ROS1: variants seen among roughly 807,000 people sequenced by gnomAD.
The protein encoded by ROS1 is proto-oncogene tyrosine-protein kinase ROS.
ROS1 carries 263 observed loss-of-function variants against 273.5 expected under a neutral mutation model. The observed-to-expected ratio is 0.96, with a 90% CI of 0.87 to 1.06. The LOEUF is 1.06. ROS1 is among the 50% of genes least tolerant of loss of function. The pLI, the probability that ROS1 is intolerant of heterozygous loss-of-function variation, is 0.00. For missense variants in ROS1, 2,833 were observed against 2,751.1 expected (o/e 1.03, Z -0.67); for synonymous variants, 1,008 against 954.1 (o/e 1.06, Z -1.04).
At chr6:117,364,501 A>G (rs749213319) in intron 21 of ROS1, among the ~76,000 whole-genome samples, 1 of 152,150 alleles carries the variant, frequency 6.6e-6, no homozygotes, top group African/African-American at 2.4e-5. Context: ...CCCACCTCAG[A>G]GCTCTGTGAG....
Position 117,418,461 on chromosome 6 carries a change from C to G in ROS1, c.168+1G>C, listed in dbSNP as rs1450017093. 1 of 1,592,336 alleles carries G rather than the reference C, an allele frequency of 6.3e-7. No individual in the cohort carries two copies. Among genetic ancestry groups the G allele is most frequent in the Admixed American group, 1.8e-5 (1 of 55,266 alleles). ...TCTTGACAACTGAAGAAATTACTTA[C>G]CGGTTCACTCAGATTATGTGGTGTG... On this transcript the variant is annotated splice_donor_variant, in intron 2 of 43. Transcript: ENST00000368507. LOFTEE classifies it high-confidence loss of function.
intron 36 of ROS1, among the ~76,000 whole-genome samples, chr6:117,320,370 A>G (rs1776208783): frequency 6.6e-6 from 1 of 152,160 alleles, no homozygotes; most frequent in Non-Finnish European, 1.5e-5. Flanking sequence ...ATTTGTATAA[A>G]AAGCTACTGC....
chr6:117,418,537 G>T, intron 1 of ROS1, 31 bp from the exon 2 acceptor site: 1 of 1,570,638 alleles, frequency 6.4e-7, no homozygotes, highest in Non-Finnish European at 8.7e-7. Flanking sequence ...GTAAACACCA[G>T]CCATCAGTAC....
intron 33 of ROS1, among the ~76,000 whole-genome samples, chr6:117,327,998 A>G (rs1582633286): frequency 1.3e-5 from 2 of 152,180 alleles, no homozygotes; most frequent in Non-Finnish European, 2.9e-5. Flanking sequence ...AGTCCCGCTG[A>G]TACGTTGGTT....
intron 4 of ROS1, 81 bp from the exon 5 acceptor site, chr6:117,409,723 C>G: frequency 9.4e-7 from 1 of 1,063,060 alleles, no homozygotes; most frequent in Non-Finnish European, 1.5e-6. Context: ...TTTTAAAATC[C>G]GAATGCCTAA....
At chr6:117,344,360 AT>A (rs1778202672) in intron 27 of ROS1, 98 bp from the exon 28 acceptor site, 2 of 785,818 alleles carry the variant, frequency 2.5e-6, no homozygotes, top group Non-Finnish European at 4.0e-6. Flanking sequence ...TTAGAAAGAA[AT>A]TTGTAGAGCA....
At chr6:117,416,365 C>CAAGAAAAAGTCACA in intron 2 of ROS1, 48 bp from the exon 3 acceptor site, 1 of 1,243,718 alleles carries the variant, frequency 8.0e-7, no homozygotes, top group Non-Finnish European at 1.2e-6. Flanking sequence ...AGAAATGTGA[C>CAAGAAAAAGTCACA]TTTTTCTTGT....
chr6:117,321,301 A>T lies in ROS1; in HGVS notation c.5717T>A (p.Leu1906Gln), dbSNP rs761381751. The change falls in exon 36 of 44, where the codon CTG (leucine) becomes CAG (glutamine). Residue 1906 changes from leucine to glutamine, a missense_variant. Coordinates refer to ENST00000368507, the MANE Select transcript of ROS1 (RefSeq NM_001378902.1). Reference sequence around the variant, plus strand: ...ATTAGCCAGGCCTACTCCGGCTGCCAGACCTCGCAGCTCAGCCAACTCTTT... The same window carrying T: ...ATTAGCCAGGCCTACTCCGGCTGCCTGACCTCGCAGCTCAGCCAACTCTTT... ...EDKELAELRG[L>Q]AAGVGLANAC... is the part of the protein sequence containing the mutation. The T allele has an allele frequency of 2.5e-6, 4 of 1,613,854 alleles. No individual in the cohort carries two copies. The highest frequency in any genetic ancestry group is 1.7e-4 in the Middle Eastern group (1 of 6,060).
chr6:117,309,982 G>T, intron 41 of ROS1, 99 bp downstream of exon 41: 1 of 1,062,666 alleles, frequency 9.4e-7, no homozygotes, highest in Non-Finnish European at 1.4e-6. Context: ...CTGGTCTTCT[G>T]TTTTCTCACA....
chr6:117,299,568 T>G (rs1190984957), intron 43 of ROS1: 1 of 152,202 alleles, frequency 6.6e-6, no homozygotes, highest in East Asian at 1.9e-4. Context: ...CTCTGCAAGC[T>G]CTCAAGGTAA....
intron 36 of ROS1, among the ~76,000 whole-genome samples, chr6:117,320,573 T>C (rs1266235423): frequency 2.0e-5 from 3 of 152,172 alleles, no homozygotes; most frequent in Non-Finnish European, 2.9e-5. Flanking sequence ...AAAAATGCTT[T>C]CAATTTTTAA....
At chr6:117,413,367 G>A (rs1197908192) in intron 4 of ROS1, among the ~76,000 whole-genome samples, 1 of 151,982 alleles carries the variant, frequency 6.6e-6, no homozygotes, top group Non-Finnish European at 1.5e-5. Flanking sequence ...GAAGTAGCTG[G>A]GATTACAGGT....
intron 32 of ROS1, among the ~76,000 whole-genome samples, chr6:117,333,112 TAAA>T (rs1220386023): frequency 6.9e-6 from 1 of 145,156 alleles, no homozygotes; most frequent in Non-Finnish European, 1.5e-5. Flanking sequence ...GCTAGAGAAA[TAAA>T]GAAGGAGACA....
At position 117,425,483 on chromosome 6, in the gene ROS1, T is replaced by A. The variant is rs764419069; in HGVS notation, c.123+51A>T. 7.2e-6 allele frequency: 11 copies of A among 1,517,662 alleles called. No homozygotes were observed. The South Asian group carries it at 1.5e-4, about 20-fold the overall frequency. The allele number at this position is 1,517,662 out of a possible 1,614,324, so 94.0% of individuals were successfully genotyped here. A position where few individuals can be genotyped will look rare whatever the true frequency, so the allele number is the denominator to read the frequency against. ...ATTCTATCAGTTATAACAAGCTGAA[T>A]GCTACATGTTCTAGTTCCTGCAAAG... On this transcript the variant is annotated intron_variant, in intron 1 of 43. Coordinates refer to ENST00000368507, the MANE Select transcript of ROS1 (RefSeq NM_001378902.1).
intron 26 of ROS1, 77 bp downstream of exon 26, chr6:117,356,552 A>G: frequency 3.8e-6 from 5 of 1,299,984 alleles, no homozygotes; most frequent in Non-Finnish European, 5.4e-6. Flanking sequence ...TATACGCGGA[A>G]TGCAAGCCCT....
chr6:117,383,812 C>A (rs1038483816), intron 16 of ROS1, among the ~76,000 whole-genome samples: 2 of 152,148 alleles, frequency 1.3e-5, no homozygotes, highest in African/African-American at 2.4e-5. Context: ...GTGAACACTG[C>A]TGGATAGGAA....
intron 27 of ROS1, among the ~76,000 whole-genome samples, chr6:117,349,679 G>T (rs1778654511): frequency 6.6e-6 from 1 of 151,792 alleles, no homozygotes. Flanking sequence ...GACTTTTGTG[G>T]TTTTATTTGA....
intron 1 of ROS1, among the ~76,000 whole-genome samples, chr6:117,420,577 T>C (rs1302108083): frequency 6.7e-6 from 1 of 149,342 alleles, no homozygotes; most frequent in Non-Finnish European, 1.5e-5. Flanking sequence ...ACTTAAAGTA[T>C]AATAATAATA....
intron 11 of ROS1, 82 bp from the exon 12 acceptor site, chr6:117,393,403 C>G: frequency 1.1e-6 from 1 of 926,604 alleles, no homozygotes; most frequent in East Asian, 2.4e-5. Context: ...CCCTGAGTAT[C>G]TGTTCTGTTG....
Sources: gnomAD v4.1 joint callset for allele counts (sites outside exome capture counted in the v4.1 genomes callset) on GRCh38, gnomAD v4.1.1 for gene constraint, MANE v1.5 for transcripts, NCBI Gene and HGNC (gene_info 2026-07-23, HGNC 2026-07-21) for gene names.